SYT16: variants seen among roughly 807,000 people sequenced by gnomAD.
SYT16 encodes synaptotagmin 16.
SYT16 carries 42 observed loss-of-function variants against 61.4 expected under a neutral mutation model. The observed-to-expected ratio is 0.68, with a 90% CI of 0.53 to 0.89. The LOEUF is 0.89. SYT16 is among the 40% of genes least tolerant of loss of function. SYT16 has a pLI of 0.00. For missense variants in SYT16, 804 were observed against 807.3 expected (o/e 1.00, Z 0.05); for synonymous variants, 314 against 302.3 (o/e 1.04, Z -0.40).
chr14:61,956,187 AT>A (rs754787585), intron 1 of SYT16, among the ~76,000 whole-genome samples: 1 of 151,972 alleles, frequency 6.6e-6, no homozygotes, highest in Non-Finnish European at 1.5e-5. Flanking sequence ...GTCCTTATGT[AT>A]TTTTAATATT....
At chr14:61,999,401 A>G (rs959043637) in intron 3 of SYT16, among the ~76,000 whole-genome samples, 3 of 151,710 alleles carry the variant, frequency 2.0e-5, no homozygotes, top group African/African-American at 7.2e-5. Context: ...AGTTATGGAC[A>G]TAGTAGTTAA....
At chr14:62,006,824 C>T (rs2053243936) in intron 3 of SYT16, among the ~76,000 whole-genome samples, 1 of 152,062 alleles carries the variant, frequency 6.6e-6, no homozygotes. Flanking sequence ...TTTTTTGAAG[C>T]TGTTTTTTAA....
At position 62,107,979 on chromosome 14, in the gene SYT16, ACC is replaced by A. The variant is rs1368035846; in HGVS notation, c.*7274_*7275del. Reference sequence around the variant, plus strand: ...TGTTTTAATAGTCAAAGGCATTGCTACCCTTTGCTTTTTGAAAGAGTGAACTG... The same window carrying A: ...TGTTTTAATAGTCAAAGGCATTGCTACTTTGCTTTTTGAAAGAGTGAACTG... On this transcript the variant is annotated 3_prime_UTR_variant, in exon 8 of 8. Coordinates refer to ENST00000683842, the MANE Select transcript of SYT16 (RefSeq NM_001367656.1). 1 of 152,218 alleles carries A rather than the reference ACC, an allele frequency of 6.6e-6. No individual in the cohort carries two copies. The highest frequency in any genetic ancestry group is 2.4e-5 in the African/African-American group (1 of 41,450). The allele number at this position is 152,218 out of a possible 1,614,324, so 9.4% of individuals were successfully genotyped here. A position where few individuals can be genotyped will look rare whatever the true frequency, so the allele number is the denominator to read the frequency against.
intron 1 of SYT16, among the ~76,000 whole-genome samples, chr14:61,889,949 G>C (rs1279682530): frequency 6.6e-6 from 1 of 151,948 alleles, no homozygotes; most frequent in Non-Finnish European, 1.5e-5. Context: ...AGAGGACTCA[G>C]AGGGGCTGGA....
chr14:61,877,154 C>G (rs1370354470), intron 1 of SYT16, among the ~76,000 whole-genome samples: 1 of 152,140 alleles, frequency 6.6e-6, no homozygotes, highest in Non-Finnish European at 1.5e-5. Flanking sequence ...TCTTCGGGAG[C>G]TGGTCCTTGG....
At chr14:61,914,626 A>G (rs1442148602) in intron 1 of SYT16, among the ~76,000 whole-genome samples, 3 of 151,534 alleles carry the variant, frequency 2.0e-5, no homozygotes, top group Admixed American at 1.3e-4. Context: ...CCTTGGGGTT[A>G]TCTTTGACTC....
intron 1 of SYT16, among the ~76,000 whole-genome samples, chr14:61,934,792 A>T (rs543845406): frequency 6.6e-6 from 1 of 152,264 alleles, no homozygotes; most frequent in African/African-American, 2.4e-5. Context: ...CAGATCTAAA[A>T]TCCCATTATT....
chr14:62,028,768 TA>T (rs945421684), intron 3 of SYT16, among the ~76,000 whole-genome samples: 11 of 152,024 alleles, frequency 7.2e-5, no homozygotes, highest in East Asian at 3.9e-4. Flanking sequence ...ACTCTTTTTT[TA>T]AAAAAAAGTA....
Position 61,829,240 on chromosome 14 carries a change from G to GGCACTTCCTTCT in SYT16, c.-325+16432_-325+16433insACTTCCTTCTGC, listed in dbSNP as rs201850913. Among the ~76,000 whole-genome samples, 1,417 of 152,014 alleles carry GGCACTTCCTTCT rather than the reference G, an allele frequency of 9.3e-3. 26 individuals are homozygous for GGCACTTCCTTCT. The highest frequency in any genetic ancestry group is 0.032 in the African/African-American group (1,331 of 41,444). On this transcript the variant is annotated intron_variant, in intron 1 of 7. Transcript: ENST00000683842. The stretch of plus-strand genomic sequence containing the variant: ...AAAAGAAAAAGTGCCACTTCCTTCT[G>GGCACTTCCTTCT]GCCTCTATGATTTTAGATGTGGAAA...
intron 1 of SYT16, among the ~76,000 whole-genome samples, chr14:61,833,285 TTTTTC>T (rs1429506255): frequency 1.1e-4 from 17 of 149,596 alleles, no homozygotes; most frequent in Non-Finnish European, 2.4e-4. Context: ...GGGTGGCTTT[TTTTTC>T]TTTTCTTTTT....
At chr14:61,838,765 C>T (rs2046210247) in intron 1 of SYT16, among the ~76,000 whole-genome samples, 1 of 152,062 alleles carries the variant, frequency 6.6e-6, no homozygotes, top group African/African-American at 2.4e-5. Flanking sequence ...ATAAAGTTGT[C>T]TATGTTATTG....
intron 3 of SYT16, among the ~76,000 whole-genome samples, chr14:62,066,241 C>G (rs2056056633): frequency 6.6e-6 from 1 of 152,192 alleles, no homozygotes; most frequent in Admixed American, 6.5e-5. Flanking sequence ...AGTGAGAGTT[C>G]TTTCCACCAC....
At chr14:61,812,682 G>A (rs2045303925), upstream of SYT16, 1 of 146,552 alleles carries the variant, frequency 6.8e-6, no homozygotes, top group Non-Finnish European at 1.5e-5. Context: ...GGCAGGAGGG[G>A]CTGTGCGCGG....
intron 1 of SYT16, among the ~76,000 whole-genome samples, chr14:61,899,243 A>G (rs1021118734): frequency 1.2e-4 from 3 of 25,972 alleles, no homozygotes; most frequent in South Asian, 9.3e-3. Flanking sequence ...ATTTCAGTCC[A>G]GGTAGTTATG....
At chr14:61,921,757 C>T (rs2049343097) in intron 1 of SYT16, among the ~76,000 whole-genome samples, 2 of 152,162 alleles carry the variant, frequency 1.3e-5, no homozygotes, top group South Asian at 2.1e-4. Flanking sequence ...ACATGGAGAA[C>T]CCAGCAAGAG....
rs1270624305 is a variant in SYT16 at position 61,865,149 on chromosome 14, G to A, written c.-325+52339G>A. On this transcript the variant is annotated intron_variant, in intron 1 of 7. Coordinates refer to ENST00000683842, the MANE Select transcript of SYT16 (RefSeq NM_001367656.1). ...GGCTCCTCAGCCACCGATAAATGCC[G>A]CTCCCTGCAGTTACTGGGCCCAGAG... is the stretch of plus-strand genomic sequence containing the variant. 11 of 1,247,442 alleles carry A rather than the reference G, an allele frequency of 8.8e-6. No homozygotes were observed. The Admixed American group carries it at 1.2e-4, about 13-fold the overall frequency. 77.3% of individuals were successfully genotyped at this position (1,247,442 alleles called of 1,614,324 possible).
At chr14:62,005,995 T>C (rs2053206840) in intron 3 of SYT16, among the ~76,000 whole-genome samples, 1 of 152,160 alleles carries the variant, frequency 6.6e-6, no homozygotes, top group Admixed American at 6.6e-5. Flanking sequence ...CTAAGTTGCC[T>C]CTAGGGAACT....
intron 1 of SYT16, among the ~76,000 whole-genome samples, chr14:61,882,691 A>T (rs1364383079): frequency 1.3e-5 from 2 of 152,108 alleles, no homozygotes; most frequent in East Asian, 3.8e-4. Flanking sequence ...TCCAGCATTA[A>T]CCCAAAAGTC....
chr14:61,832,113 A>G (rs1185709984), intron 1 of SYT16: 9 of 729,064 alleles, frequency 1.2e-5, no homozygotes, highest in Non-Finnish European at 2.3e-5. Context: ...GCTCTCCTTG[A>G]ACTGAATGTG....
Sources: gnomAD v4.1 joint callset for allele counts (sites outside exome capture counted in the v4.1 genomes callset) on GRCh38, gnomAD v4.1.1 for gene constraint, MANE v1.5 for transcripts, NCBI Gene and HGNC (gene_info 2026-07-23, HGNC 2026-07-21) for gene names.